SYT6: variants seen among roughly 807,000 people sequenced by gnomAD.
SYT6 encodes the protein synaptotagmin 6.
In SYT6, 24 loss-of-function variants were observed where a neutral mutation model predicts 38.4. The ratio of observed to expected loss-of-function variants is 0.62; its 90% CI spans 0.45 to 0.88. The LOEUF (loss-of-function observed/expected upper bound fraction) is 0.88, where lower values mean the gene tolerates loss of function less well. Ranked by LOEUF, SYT6 falls within the 40% of genes least tolerant of loss-of-function variation. The probability of loss-of-function intolerance (pLI) is 0.00; values close to 1 mark genes in which losing one functional copy is unlikely to be tolerated. For synonymous variants in SYT6, 265 were observed against 241.9 expected (o/e 1.10, Z -0.89); for missense variants, 611 against 621.0 (o/e 0.98, Z 0.17).
chr1:114,117,985 T>C (rs1455937210), intron 3 of SYT6, among the ~76,000 whole-genome samples: 3 of 152,196 alleles, frequency 2.0e-5, no homozygotes, highest in Non-Finnish European at 4.4e-5. Flanking sequence ...CCCTTCCTGT[T>C]CCATCCTGCT....
At chr1:114,128,144 C>T (rs1316214010) in intron 3 of SYT6, among the ~76,000 whole-genome samples, 1 of 152,220 alleles carries the variant, frequency 6.6e-6, no homozygotes, top group East Asian at 1.9e-4. Flanking sequence ...GGCAGGCCAC[C>T]CAGGCCCCCA....
intron 1 of SYT6, among the ~76,000 whole-genome samples, chr1:114,148,607 G>T (rs1282829551): frequency 6.6e-6 from 1 of 152,184 alleles, no homozygotes; most frequent in Non-Finnish European, 1.5e-5. Flanking sequence ...TGGAAGAAGA[G>T]CGTTTAGCCT....
At chr1:114,111,119 T>C (rs942083028) in intron 3 of SYT6, among the ~76,000 whole-genome samples, 4 of 152,152 alleles carry the variant, frequency 2.6e-5, no homozygotes, top group African/African-American at 9.7e-5. Flanking sequence ...CAGAATCACA[T>C]GGCATTCAAG....
intron 3 of SYT6, among the ~76,000 whole-genome samples, chr1:114,128,493 A>G (rs894800937): frequency 5.9e-5 from 9 of 152,114 alleles, no homozygotes; most frequent in Non-Finnish European, 8.8e-5. Flanking sequence ...CTAGACCTTT[A>G]AAAACCCATT....
rs149700277 is a variant in SYT6, at chr1:114,139,803, G to C, written c.324C>G (p.Ser108Arg). 279 of 1,607,756 alleles carry C rather than the reference G, an allele frequency of 1.7e-4. 1 individual carries two copies. The African/African-American group carries it at 3.0e-3, about 17-fold the overall frequency. The change falls in exon 2 of 8, where the codon AGC (serine) becomes AGG (arginine). Residue 108 changes from serine to arginine, a missense_variant. Transcript: ENST00000610222. Reference sequence around the variant, plus strand: ...CCGCCATGTTGCCTCTGAAGCTGGGGCTCTGGAGGGCTTCCAAGGGGGGAT... The same window carrying C: ...CCGCCATGTTGCCTCTGAAGCTGGGCCTCTGGAGGGCTTCCAAGGGGGGAT... The part of the protein sequence containing the change: ...SANPPLEALQ[S>R]PSFRGNMADK...
chr1:114,153,661 G>T lies in SYT6; in HGVS notation c.112C>A (p.Arg38=). 1.5e-6 allele frequency: 1 copy of T among 662,918 alleles called. No individual in the cohort carries two copies. The highest frequency in any genetic ancestry group is 2.7e-6 in the Non-Finnish European group (1 of 363,780). 41.1% of individuals were successfully genotyped at this position (662,918 alleles called of 1,614,324 possible). A position where few individuals can be genotyped will look rare whatever the true frequency, so the allele number is the denominator to read the frequency against. The change falls in exon 1 of 8, where the codon CGG becomes AGG. Residue 38 remains arginine, a synonymous_variant. Coordinates refer to ENST00000610222, the MANE Select transcript of SYT6 (RefSeq NM_001253772.2). ...PPLGLDVETC[R]SFELQPPERS... ...TCTGGGGGCTGCAGCTCGAAGCTCC[G>T]ACAAGTCTCCACGTCCAGCCCGAGA...
intron 3 of SYT6, among the ~76,000 whole-genome samples, chr1:114,120,672 T>C (rs1677333879): frequency 6.6e-6 from 1 of 152,244 alleles, no homozygotes; most frequent in African/African-American, 2.4e-5. Context: ...TCTACAGAAT[T>C]AGGATAATTC....
At position 114,152,844 on chromosome 1, in the gene SYT6, A is replaced by C. The variant is rs574498406; in HGVS notation, c.163+766T>G. The C allele has an allele frequency of 2.0e-5, 3 of 152,346 alleles. No homozygotes were observed. The East Asian group carries it at 5.8e-4, about 30-fold the overall frequency. The allele number at this position is 152,346 out of a possible 1,614,324, so 9.4% of individuals were successfully genotyped here. On this transcript the variant is annotated intron_variant, in intron 1 of 7. Coordinates refer to ENST00000610222, the MANE Select transcript of SYT6 (RefSeq NM_001253772.2). ...CTGGGGCTGCGTCCCGCGCAGGGTC[A>C]GCGCGGATCGGGCAGGAGGCGCCCT...
intron 3 of SYT6, among the ~76,000 whole-genome samples, chr1:114,114,131 G>A (rs1326813497): frequency 3.3e-5 from 5 of 152,166 alleles, no homozygotes; most frequent in African/African-American, 9.7e-5. Flanking sequence ...CTGTGTTCCC[G>A]AAGGACAGAT....
At chr1:114,147,663 G>C (rs1001882789) in intron 1 of SYT6, among the ~76,000 whole-genome samples, 1 of 152,212 alleles carries the variant, frequency 6.6e-6, no homozygotes, top group Non-Finnish European at 1.5e-5. Context: ...CAGAATGACC[G>C]ACAGCACAGC....
chr1:114,149,133 G>T (rs944615743), intron 1 of SYT6, among the ~76,000 whole-genome samples: 5 of 144,408 alleles, frequency 3.5e-5, no homozygotes, highest in Non-Finnish European at 7.6e-5. Flanking sequence ...ACTTCAGGTT[G>T]CCCACCAGCC....
intron 2 of SYT6, among the ~76,000 whole-genome samples, chr1:114,139,074 A>C (rs1328516775): frequency 6.6e-6 from 1 of 152,080 alleles, no homozygotes; most frequent in African/African-American, 2.4e-5. Context: ...TTTTGTCGTT[A>C]TGTTTTTCTT....
At chr1:114,116,735 T>C (rs1424177263) in intron 3 of SYT6, among the ~76,000 whole-genome samples, 2 of 152,158 alleles carry the variant, frequency 1.3e-5, no homozygotes, top group African/African-American at 4.8e-5. Flanking sequence ...AAGACCACAT[T>C]CAGCTTAACA....
At chr1:114,149,069 G>C (rs914992328) in intron 1 of SYT6, among the ~76,000 whole-genome samples, 3 of 152,110 alleles carry the variant, frequency 2.0e-5, no homozygotes, top group Non-Finnish European at 4.4e-5. Flanking sequence ...CAGAGACTCA[G>C]ATTATGACCA....
chr1:114,139,577 G>T (rs1308939990), intron 2 of SYT6, 38 bp downstream of exon 2: 11 of 1,612,272 alleles, frequency 6.8e-6, no homozygotes, highest in African/African-American at 2.7e-5. Context: ...GGAGTGTGGA[G>T]GTGTGGGGGT....
intron 3 of SYT6, among the ~76,000 whole-genome samples, chr1:114,134,946 A>C (rs1270195311): frequency 6.6e-6 from 1 of 152,164 alleles, no homozygotes; most frequent in Non-Finnish European, 1.5e-5. Flanking sequence ...AAAATTTGAC[A>C]GCACCACATA....
At chr1:114,144,136 A>C (rs1181390968) in intron 1 of SYT6, among the ~76,000 whole-genome samples, 1 of 152,212 alleles carries the variant, frequency 6.6e-6, no homozygotes. Flanking sequence ...TTCTGAATTC[A>C]CTGGAAAAGA....
rs767741595 is a variant in SYT6, at chr1:114,139,673, G to T, written c.454C>A (p.His152Asn). ...PAEVQMSVKE[H>N]IMRHTRLQRQ... Reference sequence around the variant, plus strand: ...TGCAGCCGGGTGTGACGCATGATGTGCTCCTTGACCGACATCTGCACCTCA... The same window carrying T: ...TGCAGCCGGGTGTGACGCATGATGTTCTCCTTGACCGACATCTGCACCTCA... Residue 152 changes from histidine (H) to asparagine (N), a missense_variant, in exon 2 of 8, where the codon CAC becomes AAC. By Grantham distance (68) the His-to-Asn change is moderately conservative. Coordinates refer to ENST00000610222, the MANE Select transcript of SYT6 (RefSeq NM_001253772.2). 4 of 1,614,042 alleles carry T rather than the reference G, an allele frequency of 2.5e-6. No individual in the cohort carries two copies. In the East Asian group the frequency reaches 6.7e-5, roughly 27 times the overall value.
At chr1:114,121,296 G>A (rs1403404092) in intron 3 of SYT6, among the ~76,000 whole-genome samples, 5 of 152,118 alleles carry the variant, frequency 3.3e-5, no homozygotes, top group East Asian at 3.9e-4. Flanking sequence ...TCCCTCCTTG[G>A]AGCCTTGGCC....
Sources: gnomAD v4.1 joint callset for allele counts (sites outside exome capture counted in the v4.1 genomes callset) on GRCh38, gnomAD v4.1.1 for gene constraint, MANE v1.5 for transcripts, NCBI Gene and HGNC (gene_info 2026-07-23, HGNC 2026-07-21) for gene names.